The following PARL variants were observed in gnomAD, a reference collection of about 807,000 sequenced individuals.
PARL encodes the protein presenilin-associated rhomboid-like protein, mitochondrial.
In PARL, 44 loss-of-function variants were observed where a neutral mutation model predicts 51.6. The ratio of observed to expected loss-of-function variants is 0.85; its 90% CI spans 0.67 to 1.10. PARL has a LOEUF of 1.10. Ranked by LOEUF, PARL falls within the 50% of genes least tolerant of loss-of-function variation. The probability of loss-of-function intolerance (pLI) is 0.00; values close to 1 mark genes in which losing one functional copy is unlikely to be tolerated. For missense variants in PARL, 441 were observed against 469.5 expected, an observed-to-expected ratio of 0.94 and a Z score of 0.56; for synonymous variants, 172 against 164.0, an observed-to-expected ratio of 1.05 and a Z score of -0.37.
chr3:183,845,860 C>T (rs921003435), intron 4 of PARL, among the ~76,000 whole-genome samples: 1 of 152,102 alleles, frequency 6.6e-6, no homozygotes, highest in African/African-American at 2.4e-5. Context: ...GTTGTCATAC[C>T]CAGTGATTGA....
chr3:183,862,815 A>G lies in PARL; in HGVS notation c.463-14T>C. 6.2e-7 allele frequency: 1 copy of G among 1,608,622 alleles called. No homozygotes were observed. Reference sequence around the variant, plus strand: ...CCACTTGTTAATCTAAAACAGACAGAAAATTGCATCACCACATGTGAGAAA... The same window carrying G: ...CCACTTGTTAATCTAAAACAGACAGGAAATTGCATCACCACATGTGAGAAA... On this transcript the variant is annotated splice_polypyrimidine_tract_variant and intron_variant, in intron 3 of 9. Coordinates refer to ENST00000317096, the MANE Select transcript of PARL (RefSeq NM_018622.7).
At chr3:183,873,462 C>T (rs957249823) in intron 1 of PARL, among the ~76,000 whole-genome samples, 2 of 152,020 alleles carry the variant, frequency 1.3e-5, no homozygotes, top group African/African-American at 2.4e-5. Flanking sequence ...TCTCTAGAAC[C>T]CAGGAGGCAG....
intron 4 of PARL, among the ~76,000 whole-genome samples, chr3:183,854,916 G>A (rs1003109339): frequency 1.3e-5 from 2 of 151,934 alleles, no homozygotes; most frequent in Non-Finnish European, 2.9e-5. Context: ...ACTGATGAAG[G>A]AATAAACAAA....
At position 183,844,218 on chromosome 3, in the gene PARL, A is replaced by G; in HGVS notation, c.607+13T>C. 1 of 1,499,008 alleles carries G rather than the reference A, an allele frequency of 6.7e-7. No individual in the cohort carries two copies. Among genetic ancestry groups the G allele is most frequent in the Non-Finnish European group, 9.3e-7 (1 of 1,076,386 alleles). The allele number at this position is 1,499,008 out of a possible 1,614,324, so 92.9% of individuals were successfully genotyped here. ...TTTCTACCTTAAAATAAATTCACAC[A>G]AGTTAGACTTACTTGAGGCTGGATT... On this transcript the variant is annotated intron_variant, in intron 5 of 9. Transcript: ENST00000317096.
intron 4 of PARL, among the ~76,000 whole-genome samples, chr3:183,854,990 T>C (rs554053114): frequency 2.6e-5 from 4 of 152,156 alleles, no homozygotes; most frequent in African/African-American, 4.8e-5. Context: ...ACTGATGATA[T>C]ATACTGCAAC....
downstream of PARL, among the ~76,000 whole-genome samples, chr3:183,829,112 C>G (rs576402491): frequency 6.6e-6 from 1 of 152,306 alleles, no homozygotes; most frequent in South Asian, 2.1e-4. Flanking sequence ...AAAACACTAC[C>G]TTTCCTGAAA....
chr3:183,833,800 G>GC lies in PARL; in HGVS notation c.853dup (p.Ala285GlyfsTer6). On this transcript the variant is annotated frameshift_variant, in exon 8 of 10. Transcript: ENST00000317096. LOFTEE classifies it high-confidence loss of function. The stretch of plus-strand genomic sequence containing the variant: ...TTCTGGGATCTTAGTGCAGACAGCT[G>GC]CGAGGACTGTCATGATGGCACCAGA... The GC allele has an allele frequency of 1.9e-6, 3 of 1,612,580 alleles. No homozygotes were observed. The highest frequency in any genetic ancestry group is 2.5e-6 in the Non-Finnish European group (3 of 1,178,516).
At chr3:183,864,903 C>CTT (rs1209103090) in intron 3 of PARL, among the ~76,000 whole-genome samples, 12 of 121,354 alleles carry the variant, frequency 9.9e-5, no homozygotes, top group East Asian at 9.6e-4. Flanking sequence ...CTCCATATTT[C>CTT]TTTTTTTTTT....
intron 5 of PARL, 70 bp from the exon 6 acceptor site, chr3:183,842,517 T>A: frequency 6.1e-6 from 9 of 1,484,336 alleles, no homozygotes; most frequent in Non-Finnish European, 8.4e-6. Context: ...CATTTTAAAC[T>A]TTTAAAATTA....
chr3:183,857,572 A>G (rs371540932), intron 4 of PARL, among the ~76,000 whole-genome samples: 26 of 152,384 alleles, frequency 1.7e-4, no homozygotes, highest in African/African-American at 6.3e-4. Flanking sequence ...ATGCTTTGGA[A>G]GAACACACAA....
intron 1 of PARL, among the ~76,000 whole-genome samples, chr3:183,882,247 A>ATATATATATATATATATATATATATT: frequency 4.3e-5 from 1 of 23,334 alleles, no homozygotes; most frequent in East Asian, 3.9e-3. Context: ...ATATATATTT[A>ATATATATATATATATATATATATATT]TATATATATA....
Position 183,841,793 on chromosome 3 carries a change from A to G in PARL, c.757+505T>C, listed in dbSNP as rs1426775484. Among the ~76,000 whole-genome samples, 4 of 152,306 alleles carry G rather than the reference A, an allele frequency of 2.6e-5. No homozygotes were observed. The East Asian group carries it at 7.7e-4, about 29-fold the overall frequency. On this transcript the variant is annotated intron_variant, in intron 6 of 9. Transcript: ENST00000317096. ...TGGCTAGGAAGTGGTTCCCTGCTAC[A>G]TTCTTGCAAAGAAGACAGAACAAAC...
At chr3:183,831,484 T>C (rs1214751729) in intron 9 of PARL, among the ~76,000 whole-genome samples, 1 of 152,252 alleles carries the variant, frequency 6.6e-6, no homozygotes, top group Non-Finnish European at 1.5e-5. Flanking sequence ...AGCTCTGCAA[T>C]TGTTACTTGT....
At chr3:183,854,261 A>G (rs1730882195) in intron 4 of PARL, among the ~76,000 whole-genome samples, 2 of 152,206 alleles carry the variant, frequency 1.3e-5, no homozygotes, top group Admixed American at 6.5e-5. Context: ...AATCGAATGC[A>G]TGGTCGGTCT....
intron 1 of PARL, among the ~76,000 whole-genome samples, chr3:183,882,770 C>T (rs1734713799): frequency 6.6e-6 from 1 of 152,100 alleles, no homozygotes; most frequent in Non-Finnish European, 1.5e-5. Flanking sequence ...CCGCCTTGGG[C>T]CTGCAGTAGT....
At chr3:183,842,256 A>G (rs762162671) in intron 6 of PARL, 42 bp downstream of exon 6, 1 of 1,584,934 alleles carries the variant, frequency 6.3e-7, no homozygotes, top group Non-Finnish European at 8.7e-7. Flanking sequence ...GATAGCTTAG[A>G]GTGCTTATAC....
chr3:183,844,089 AAGG>A, intron 5 of PARL, 139 bp downstream of exon 5: 2 of 714,110 alleles, frequency 2.8e-6, no homozygotes, highest in Non-Finnish European at 5.1e-6. Context: ...GTCCTCAGTG[AAGG>A]AGCTTACAGC....
At chr3:183,867,655 G>A (rs1357566185) in intron 2 of PARL, among the ~76,000 whole-genome samples, 1 of 150,868 alleles carries the variant, frequency 6.6e-6, no homozygotes, top group South Asian at 2.1e-4. Flanking sequence ...AGCCGAGATC[G>A]CGCCACTGCA....
chr3:183,853,563 C>T (rs570444981), intron 4 of PARL, among the ~76,000 whole-genome samples: 1 of 151,766 alleles, frequency 6.6e-6, no homozygotes, highest in Non-Finnish European at 1.5e-5. Context: ...AAAAAACAAA[C>T]GAAAAAGAAT....
Sources: gnomAD v4.1 joint callset for allele counts (sites outside exome capture counted in the v4.1 genomes callset) on GRCh38, gnomAD v4.1.1 for gene constraint, MANE v1.5 for transcripts, NCBI Gene and HGNC (gene_info 2026-07-23, HGNC 2026-07-21) for gene names.